The following PPP1R9A variants were observed in gnomAD, a reference collection of about 807,000 sequenced individuals.
PPP1R9A encodes the protein neurabin-1.
Under a neutral mutation model 141.9 loss-of-function variants are expected in PPP1R9A, and 59 were observed. The ratio of observed to expected loss-of-function variants is 0.42; its 90% CI spans 0.34 to 0.52. The LOEUF is 0.52. Ranked by LOEUF, PPP1R9A falls within the 20% of genes least tolerant of loss-of-function variation. PPP1R9A has a pLI of 0.10. For missense variants in PPP1R9A, 1,444 were observed against 1,611.9 expected, an observed-to-expected ratio of 0.90 and a Z score of 1.78; for synonymous variants, 500 against 569.7, an observed-to-expected ratio of 0.88 and a Z score of 1.74.
At chr7:94,923,037 T>A (rs1793039241) in intron 2 of PPP1R9A, among the ~76,000 whole-genome samples, 1 of 152,190 alleles carries the variant, frequency 6.6e-6, no homozygotes, top group Non-Finnish European at 1.5e-5. Context: ...GAAGAAGGTG[T>A]TACTTTAAGA....
intron 4 of PPP1R9A, 142 bp downstream of exon 4, chr7:95,120,974 C>A: frequency 8.9e-7 from 1 of 1,121,686 alleles, no homozygotes; most frequent in South Asian, 1.7e-5. Context: ...TCTTTAAACA[C>A]TTGAATTATT....
At position 95,251,862 on chromosome 7, in the gene PPP1R9A, A is replaced by G. The variant is rs200530341; in HGVS notation, c.2493+4A>G. 31 of 1,613,666 alleles carry G rather than the reference A, an allele frequency of 1.9e-5. No homozygotes were observed. The South Asian group carries it at 3.1e-4, about 16-fold the overall frequency. On this transcript the variant is annotated splice_donor_region_variant and intron_variant, in intron 11 of 19. Transcript: ENST00000433360. Reference sequence around the variant, plus strand: ...AGTGCAAGGCCTCCAAGTGCGGGTAAGTTGTGTTCCCTAAGACACTAAATA... The same window carrying G: ...AGTGCAAGGCCTCCAAGTGCGGGTAGGTTGTGTTCCCTAAGACACTAAATA...
chr7:95,020,987 C>T (rs1437589503), intron 2 of PPP1R9A, among the ~76,000 whole-genome samples: 1 of 152,120 alleles, frequency 6.6e-6, no homozygotes, highest in East Asian at 1.9e-4. Context: ...TGGGTATATA[C>T]CCAGTAATGG....
At chr7:95,010,578 A>ATT (rs1236261529) in intron 2 of PPP1R9A, among the ~76,000 whole-genome samples, 1 of 152,154 alleles carries the variant, frequency 6.6e-6, no homozygotes, top group Non-Finnish European at 1.5e-5. Context: ...CTCACAATGA[A>ATT]TTTAGTCGAA....
At chr7:95,045,482 A>T (rs1278420107) in intron 2 of PPP1R9A, among the ~76,000 whole-genome samples, 4 of 152,190 alleles carry the variant, frequency 2.6e-5, no homozygotes. Flanking sequence ...GAAGTTGTAC[A>T]CATGCTCACT....
chr7:95,289,195 C>T (rs953238839), intron 19 of PPP1R9A, among the ~76,000 whole-genome samples: 21 of 152,284 alleles, frequency 1.4e-4, no homozygotes, highest in Admixed American at 5.9e-4. Context: ...ATCTTCCCTC[C>T]CCTCCATGGC....
chr7:94,950,302 A>G (rs1796334262), intron 2 of PPP1R9A, among the ~76,000 whole-genome samples: 1 of 152,242 alleles, frequency 6.6e-6, no homozygotes, highest in East Asian at 1.9e-4. Context: ...GTTCATTTCC[A>G]TGTAAGCAGG....
intron 3 of PPP1R9A, among the ~76,000 whole-genome samples, chr7:95,114,752 G>GT (rs576681950): frequency 9.4e-4 from 143 of 151,864 alleles, no homozygotes; most frequent in Middle Eastern, 3.4e-3. Flanking sequence ...TTTATCCTTT[G>GT]GAAAAATGTT....
chr7:94,974,002 CCACT>C (rs1799157619), intron 2 of PPP1R9A, among the ~76,000 whole-genome samples: 1 of 152,116 alleles, frequency 6.6e-6, no homozygotes, highest in Admixed American at 6.6e-5. Flanking sequence ...CAGGCATGAG[CCACT>C]ATGCCTGACC....
At chr7:95,283,003 G>T (rs767989662) in intron 16 of PPP1R9A, among the ~76,000 whole-genome samples, 15 of 152,158 alleles carry the variant, frequency 9.9e-5, no homozygotes, top group South Asian at 2.1e-4. Flanking sequence ...AAGTTGTCTG[G>T]CTGTGGTGTC....
At chr7:95,141,648 T>G (rs1422736694) in intron 4 of PPP1R9A, among the ~76,000 whole-genome samples, 1 of 152,088 alleles carries the variant, frequency 6.6e-6, no homozygotes, top group Non-Finnish European at 1.5e-5. Flanking sequence ...TTTTTTTTTT[T>G]TAACTAGAGA....
At chr7:95,261,147 T>G (rs574767076) in intron 12 of PPP1R9A, among the ~76,000 whole-genome samples, 1 of 152,286 alleles carries the variant, frequency 6.6e-6, no homozygotes, top group South Asian at 2.1e-4. Flanking sequence ...GGCTCCTACA[T>G]TGTTTTCAAG....
chr7:95,222,090 GAGAGA>G (rs1201403108), intron 7 of PPP1R9A, among the ~76,000 whole-genome samples: 5 of 152,036 alleles, frequency 3.3e-5, no homozygotes, highest in Admixed American at 6.6e-5. Context: ...AGCATATTAT[GAGAGA>G]AGAGAAGAGG....
At chr7:94,963,707 G>A (rs979835398) in intron 2 of PPP1R9A, among the ~76,000 whole-genome samples, 5 of 152,056 alleles carry the variant, frequency 3.3e-5, no homozygotes, top group Non-Finnish European at 7.4e-5. Flanking sequence ...AGAATGTTTT[G>A]GATTTTTGAT....
At chr7:95,051,615 A>T (rs749700077) in intron 2 of PPP1R9A, among the ~76,000 whole-genome samples, 2 of 152,182 alleles carry the variant, frequency 1.3e-5, no homozygotes, top group Non-Finnish European at 2.9e-5. Context: ...AGGAAATAGT[A>T]TGTATAAATT....
At chr7:95,148,481 A>C (rs1828043608) in intron 4 of PPP1R9A, among the ~76,000 whole-genome samples, 1 of 152,138 alleles carries the variant, frequency 6.6e-6, no homozygotes, top group Admixed American at 6.6e-5. Context: ...TCCAAGGTGT[A>C]AATCTGTCAA....
chr7:95,134,627 G>A (rs913932349), intron 4 of PPP1R9A, among the ~76,000 whole-genome samples: 1 of 152,028 alleles, frequency 6.6e-6, no homozygotes, highest in African/African-American at 2.4e-5. Context: ...TAGAGATGGG[G>A]TTTCTTCATG....
At chr7:95,118,006 C>T (rs147364922) in intron 3 of PPP1R9A, among the ~76,000 whole-genome samples, 218 of 152,238 alleles carry the variant, frequency 1.4e-3, no homozygotes, top group African/African-American at 5.2e-3. Context: ...ATTCATCCTT[C>T]ATCAGTGTGA....
chr7:94,977,764 CTTTT>C (rs370362125), intron 2 of PPP1R9A, among the ~76,000 whole-genome samples: 2 of 131,358 alleles, frequency 1.5e-5, no homozygotes. Context: ...TTTTCATTTT[CTTTT>C]TTTTTTTTTT....
Sources: gnomAD v4.1 joint callset for allele counts (sites outside exome capture counted in the v4.1 genomes callset) on GRCh38, gnomAD v4.1.1 for gene constraint, MANE v1.5 for transcripts, NCBI Gene and HGNC (gene_info 2026-07-23, HGNC 2026-07-21) for gene names.